Variants in TTC23 observed in about 807,000 individuals in gnomAD.
TTC23 encodes tetratricopeptide repeat domain 23, also known as tetratricopeptide repeat protein 23.
Under a neutral mutation model 55.1 loss-of-function variants are expected in TTC23, and 58 were observed. The ratio of observed to expected loss-of-function variants is 1.05; its 90% CI spans 0.85 to 1.31. TTC23 has a LOEUF of 1.31. TTC23 is among the 50% of genes most tolerant of loss of function. The probability of loss-of-function intolerance (pLI) is 0.00; values close to 1 mark genes in which losing one functional copy is unlikely to be tolerated. For synonymous variants in TTC23, 203 were observed against 199.9 expected (o/e 1.02, Z -0.13); for missense variants, 516 against 534.4 (o/e 0.97, Z 0.34).
At chr15:99,164,709 A>G (rs1181903238) in intron 10 of TTC23, among the ~76,000 whole-genome samples, 4 of 152,186 alleles carry the variant, frequency 2.6e-5, no homozygotes, top group African/African-American at 9.6e-5. Context: ...TATCTGTTTC[A>G]TTATCTTTTC....
intron 12 of TTC23, chr15:99,148,457 A>G (rs1318662263): frequency 1.3e-5 from 2 of 150,610 alleles, no homozygotes; most frequent in African/African-American, 4.9e-5. Flanking sequence ...CCTTTCATAA[A>G]AAGATTCATT....
Position 99,221,828 on chromosome 15 carries a change from C to A in TTC23, c.217G>T (p.Ala73Ser), listed in dbSNP as rs775812843. Residue 73 changes from alanine (A) to serine (S), a missense_variant, in exon 6 of 14, where the codon GCA becomes TCA. By Grantham distance (99) the Ala-to-Ser change is moderately conservative. Coordinates refer to ENST00000394132, the MANE Select transcript of TTC23 (RefSeq NM_001288615.3). ...TCTCCATAGCAAATTCTTGTCAGTG[C>A]TACGCAACGCACAAGCTCATGGACG... ...QAVHELVRCV[A>S]LTRICYGDSH... 1 of 1,614,070 alleles carries A rather than the reference C, an allele frequency of 6.2e-7. No homozygotes were observed. Among genetic ancestry groups the A allele is most frequent in the Non-Finnish European group, 8.5e-7 (1 of 1,180,044 alleles).
rs1229145805 is a variant in TTC23, at chr15:99,136,660, GGGA to G, written c.*1347_*1349del. 8 of 152,242 alleles carry G rather than the reference GGGA, an allele frequency of 5.3e-5. No individual in the cohort carries two copies. Among genetic ancestry groups the G allele is most frequent in the African/African-American group, 1.7e-4 (7 of 41,406 alleles). 9.4% of individuals were successfully genotyped at this position (152,242 alleles called of 1,614,324 possible). A position where few individuals can be genotyped will look rare whatever the true frequency, so the allele number is the denominator to read the frequency against. The stretch of plus-strand genomic sequence containing the variant: ...CCCCACCCCCAATACCATCCCTTTG[GGGA>G]TTAGGGCTTCAACGTGAATTGGGAG... On this transcript the variant is annotated 3_prime_UTR_variant, in exon 14 of 14. Coordinates refer to ENST00000394132, the MANE Select transcript of TTC23 (RefSeq NM_001288615.3).
At chr15:99,215,771 T>TA (rs1324670883) in intron 8 of TTC23, among the ~76,000 whole-genome samples, 1 of 149,040 alleles carries the variant, frequency 6.7e-6, no homozygotes, top group South Asian at 2.1e-4. Flanking sequence ...AGAAAGAAAA[T>TA]AAAAAACAAA....
intron 8 of TTC23, among the ~76,000 whole-genome samples, chr15:99,209,349 C>G (rs1006280331): frequency 2.0e-5 from 3 of 152,154 alleles, no homozygotes; most frequent in Non-Finnish European, 4.4e-5. Context: ...TTTCCATAGC[C>G]AACATGAGAA....
At chr15:99,184,836 C>T (rs993087110) in intron 9 of TTC23, among the ~76,000 whole-genome samples, 5 of 152,208 alleles carry the variant, frequency 3.3e-5, no homozygotes, top group African/African-American at 1.2e-4. Context: ...CTTTGTGTCC[C>T]CACCCAAATC....
rs782027599 is a variant in TTC23, at chr15:99,138,055, C to T, written c.1299G>A (p.Gln433=). ...GCCGGGCCTTCCCCAGCAGGGTGTC[C>T]TGAGGGATGCTGGTGCAGAAGGCCA... ...AKVAFCTSIP[Q]DTLLGKARPG... The change falls in exon 14 of 14, where the codon CAG becomes CAA. Residue 433 remains glutamine (Q), a synonymous_variant. Coordinates refer to ENST00000394132, the MANE Select transcript of TTC23 (RefSeq NM_001288615.3). The T allele has an allele frequency of 2.5e-6, 4 of 1,613,876 alleles. No homozygotes were observed. The African/African-American group carries it at 5.3e-5, about 22-fold the overall frequency.
chr15:99,229,083 C>CATAT lies in TTC23; in HGVS notation c.-20-355_-20-352dup, dbSNP rs150846192. Among the ~76,000 whole-genome samples, 537 of 141,804 alleles carry CATAT rather than the reference C, an allele frequency of 3.8e-3. 10 individuals are homozygous for CATAT. The highest frequency in any genetic ancestry group is 0.012 in the African/African-American group (498 of 40,156). 93.0% of individuals were successfully genotyped at this position (141,804 alleles called of 152,430 possible). A position where few individuals can be genotyped will look rare whatever the true frequency, so the allele number is the denominator to read the frequency against. On this transcript the variant is annotated intron_variant, in intron 4 of 13. Coordinates refer to ENST00000394132, the MANE Select transcript of TTC23 (RefSeq NM_001288615.3). ...GCACATACATATGTATTTGTATGTA[C>CATAT]ATATATATATAAAGTCCAGTAGAAA... is the stretch of plus-strand genomic sequence containing the variant.
At chr15:99,182,724 G>A (rs1366938952) in intron 9 of TTC23, among the ~76,000 whole-genome samples, 2 of 151,970 alleles carry the variant, frequency 1.3e-5, no homozygotes, top group African/African-American at 4.8e-5. Context: ...TTCTGGGCAA[G>A]GAGGTCTGAG....
rs151301706 is a variant in TTC23, at chr15:99,171,279, A to G, written c.865+3771T>C. ...TGAATCTGACAAGGGCCTGCCTAGGAGCACCATACAGACTGATGGGGACTT... is the reference window on the plus strand; with the variant it reads ...TGAATCTGACAAGGGCCTGCCTAGGGGCACCATACAGACTGATGGGGACTT... On this transcript the variant is annotated intron_variant, in intron 10 of 13. Coordinates refer to ENST00000394132, the MANE Select transcript of TTC23 (RefSeq NM_001288615.3). Among the ~76,000 whole-genome samples, 130 of 152,270 alleles carry G rather than the reference A, an allele frequency of 8.5e-4. 1 individual carries two copies. Among genetic ancestry groups the G allele is most frequent in the African/African-American group, 3.0e-3 (125 of 41,550 alleles).
intron 4 of TTC23, among the ~76,000 whole-genome samples, chr15:99,229,890 G>A (rs531325190): frequency 1.3e-5 from 2 of 152,230 alleles, no homozygotes; most frequent in African/African-American, 4.8e-5. Flanking sequence ...TCACCACACA[G>A]ATCAAAAAAG....
At chr15:99,242,399 G>C (rs1055861879) in intron 2 of TTC23, among the ~76,000 whole-genome samples, 13 of 152,138 alleles carry the variant, frequency 8.5e-5, no homozygotes, top group African/African-American at 3.1e-4. Context: ...GATGGCATCA[G>C]TGATGTATTC....
At chr15:99,218,407 T>C (rs1470158936) in intron 8 of TTC23, among the ~76,000 whole-genome samples, 181 bp downstream of exon 8, 1 of 152,204 alleles carries the variant, frequency 6.6e-6, no homozygotes, top group Non-Finnish European at 1.5e-5. Context: ...AAAGTGTCAC[T>C]GATGGATGCC....
At chr15:99,154,702 C>G (rs1555498381) in intron 12 of TTC23, among the ~76,000 whole-genome samples, 1 of 152,122 alleles carries the variant, frequency 6.6e-6, no homozygotes, top group African/African-American at 2.4e-5. Context: ...CTAAGAAGAA[C>G]CATCTGATAA....
Position 99,210,026 on chromosome 15 carries a change from G to A in TTC23, c.581+8562C>T, listed in dbSNP as rs1413118589. Among the ~76,000 whole-genome samples, 4 of 152,104 alleles carry A rather than the reference G, an allele frequency of 2.6e-5. No homozygotes were observed. The South Asian group carries it at 6.2e-4, about 24-fold the overall frequency. Reference sequence around the variant, plus strand: ...CTGCTTCGGCCTCCCAAAGTTCTGGGATTACAGGTGTAAGTCACTGTGCCC... The same window carrying A: ...CTGCTTCGGCCTCCCAAAGTTCTGGAATTACAGGTGTAAGTCACTGTGCCC... On this transcript the variant is annotated intron_variant, in intron 8 of 13. Transcript: ENST00000394132.
intron 4 of TTC23, among the ~76,000 whole-genome samples, chr15:99,232,768 C>G (rs1236694213): frequency 1.3e-5 from 2 of 152,110 alleles, no homozygotes; most frequent in Non-Finnish European, 2.9e-5. Flanking sequence ...ACCATATGAT[C>G]CATGAATCCC....
At chr15:99,229,662 G>A (rs1039556407) in intron 4 of TTC23, among the ~76,000 whole-genome samples, 3 of 152,218 alleles carry the variant, frequency 2.0e-5, no homozygotes, top group Non-Finnish European at 4.4e-5. Context: ...ACAGAATACT[G>A]ATTAGCATGT....
chr15:99,219,147 A>G, intron 6 of TTC23, 99 bp from the exon 7 acceptor site: 1 of 1,344,154 alleles, frequency 7.4e-7, no homozygotes, highest in Non-Finnish European at 1.0e-6. Flanking sequence ...TCTCCTTCAC[A>G]TATTGTCAAA....
intron 12 of TTC23, among the ~76,000 whole-genome samples, chr15:99,154,473 G>T (rs2151875698): frequency 6.6e-6 from 1 of 152,236 alleles, no homozygotes; most frequent in South Asian, 2.1e-4. Flanking sequence ...GGAGTGGTTT[G>T]GTTATGAAAG....
Sources: allele counts gnomAD v4.1 joint callset (sites outside exome capture counted in the v4.1 genomes callset), GRCh38; gene constraint gnomAD v4.1.1; transcripts MANE v1.5; gene names NCBI Gene and HGNC (gene_info 2026-07-23, HGNC 2026-07-21).